KSR2: variants seen among roughly 807,000 people sequenced by gnomAD.
The protein encoded by KSR2 is kinase suppressor of ras 2.
Under a neutral mutation model 107.8 loss-of-function variants are expected in KSR2, and 25 were observed. That is an observed-to-expected ratio of 0.23 (90% CI 0.17 to 0.32). The LOEUF is 0.32. Ranked by LOEUF, KSR2 falls within the 10% of genes least tolerant of loss-of-function variation. KSR2 has a pLI of 1.00. For missense variants in KSR2, 887 were observed against 1,268.9 expected, an observed-to-expected ratio of 0.70 and a Z score of 4.57; for synonymous variants, 480 against 507.0, an observed-to-expected ratio of 0.95 and a Z score of 0.71.
chr12:117,856,735 C>T (rs1025208692), intron 2 of KSR2, among the ~76,000 whole-genome samples: 18 of 152,150 alleles, frequency 1.2e-4, no homozygotes, highest in African/African-American at 3.9e-4. Context: ...CCTCAGCCTC[C>T]GAAAGTAAAT....
At chr12:117,768,240 G>A (rs1006156708) in intron 3 of KSR2, among the ~76,000 whole-genome samples, 2 of 152,198 alleles carry the variant, frequency 1.3e-5, no homozygotes, top group African/African-American at 4.8e-5. Context: ...CAAGTGGACT[G>A]GAGCTGGAGG....
chr12:117,680,793 C>A (rs993972667), intron 4 of KSR2, among the ~76,000 whole-genome samples: 2 of 151,988 alleles, frequency 1.3e-5, no homozygotes, highest in African/African-American at 4.8e-5. Flanking sequence ...ATGATATGGC[C>A]TCATTGTGTC....
intron 4 of KSR2, among the ~76,000 whole-genome samples, chr12:117,687,375 C>T (rs978185531): frequency 1.3e-5 from 2 of 152,156 alleles, no homozygotes; most frequent in Admixed American, 6.5e-5. Flanking sequence ...TCTTTTTCCA[C>T]GAGAGTTTGA....
At chr12:117,506,336 T>C (rs1873676576) in intron 14 of KSR2, among the ~76,000 whole-genome samples, 1 of 152,234 alleles carries the variant, frequency 6.6e-6, no homozygotes, top group Non-Finnish European at 1.5e-5. Context: ...TGGTTCTCCA[T>C]ATTATATGTT....
At chr12:117,738,672 C>T (rs1271378099) in intron 4 of KSR2, among the ~76,000 whole-genome samples, 1 of 151,626 alleles carries the variant, frequency 6.6e-6, no homozygotes, top group Non-Finnish European at 1.5e-5. Context: ...GTCAGGAGTT[C>T]GAGACCAGCC....
intron 2 of KSR2, among the ~76,000 whole-genome samples, chr12:117,856,300 C>T (rs1893100727): frequency 6.6e-6 from 1 of 152,114 alleles, no homozygotes; most frequent in Non-Finnish European, 1.5e-5. Flanking sequence ...CCCCATGTTC[C>T]CAAAACAGTG....
intron 1 of KSR2, among the ~76,000 whole-genome samples, chr12:117,895,081 A>G (rs1894470381): frequency 6.6e-6 from 1 of 151,804 alleles, no homozygotes; most frequent in Non-Finnish European, 1.5e-5. Flanking sequence ...AATTAAAAAA[A>G]TTAGCCAGGT....
chr12:117,652,791 G>A (rs182447203), intron 5 of KSR2, among the ~76,000 whole-genome samples: 230 of 152,290 alleles, frequency 1.5e-3, no homozygotes, highest in Middle Eastern at 3.4e-3. Flanking sequence ...GTTAAGGTAG[G>A]AGCTTATGGA....
Position 117,869,500 on chromosome 12 carries a change from T to C in KSR2, c.181-9069A>G, listed in dbSNP as rs2137278621. Reference sequence around the variant, plus strand: ...ATCACTGAGACTAGTTAGGTGCCCATCTTTCCAGATGTTGATCTGTGAATT... The same window carrying C: ...ATCACTGAGACTAGTTAGGTGCCCACCTTTCCAGATGTTGATCTGTGAATT... On this transcript the variant is annotated intron_variant, in intron 1 of 19. Transcript: ENST00000339824. 5.9e-5 allele frequency among the ~76,000 whole-genome samples: 9 copies of C among 152,336 alleles called. No homozygotes were observed. The Middle Eastern group carries it at 0.017, about 288-fold the overall frequency.
At chr12:117,702,262 C>T (rs961841467) in intron 4 of KSR2, among the ~76,000 whole-genome samples, 5 of 152,162 alleles carry the variant, frequency 3.3e-5, no homozygotes, top group South Asian at 4.2e-4. Context: ...AAGCACCTCG[C>T]GTTGGTAGCC....
At chr12:117,877,242 C>G (rs902416726) in intron 1 of KSR2, among the ~76,000 whole-genome samples, 10 of 152,176 alleles carry the variant, frequency 6.6e-5, no homozygotes, top group African/African-American at 2.4e-4. Flanking sequence ...GAGATTGAGG[C>G]AGGAGAATCG....
intron 5 of KSR2, among the ~76,000 whole-genome samples, chr12:117,585,556 T>C (rs551413333): frequency 6.6e-6 from 1 of 152,352 alleles, no homozygotes; most frequent in East Asian, 1.9e-4. Flanking sequence ...ATTTGAACTT[T>C]GAGATCCTCT....
At chr12:117,516,048 C>G (rs1229971992) in intron 14 of KSR2, among the ~76,000 whole-genome samples, 1 of 152,176 alleles carries the variant, frequency 6.6e-6, no homozygotes, top group Non-Finnish European at 1.5e-5. Flanking sequence ...TACCATCCAG[C>G]CACTTCTTCT....
At chr12:117,626,301 T>G (rs1882510242) in intron 5 of KSR2, among the ~76,000 whole-genome samples, 1 of 152,188 alleles carries the variant, frequency 6.6e-6, no homozygotes, top group Admixed American at 6.5e-5. Flanking sequence ...GATGTTGGGG[T>G]GTTGATTTTA....
chr12:117,467,917 G>GGTCC (rs1482863116), intron 19 of KSR2: 3 of 199,490 alleles, frequency 1.5e-5, no homozygotes, highest in Non-Finnish European at 2.6e-5. Flanking sequence ...CCACAGTCCT[G>GGTCC]TGTTTTTTTT....
intron 5 of KSR2, among the ~76,000 whole-genome samples, chr12:117,659,653 C>G (rs996836191): frequency 2.0e-5 from 3 of 152,158 alleles, no homozygotes; most frequent in African/African-American, 7.2e-5. Context: ...TAGCCCTGGG[C>G]AAGTCCTTCC....
chr12:117,794,418 CATA>C (rs1566019214), intron 3 of KSR2, among the ~76,000 whole-genome samples: 5 of 90,014 alleles, frequency 5.6e-5, no homozygotes, highest in African/African-American at 1.8e-4. Flanking sequence ...CACACATGCA[CATA>C]CAACATGCAC....
Position 117,500,463 on chromosome 12 carries a change from G to A in KSR2, c.2220-14772C>T, listed in dbSNP as rs530952847. On this transcript the variant is annotated intron_variant, in intron 14 of 19. Transcript: ENST00000339824. ...CCTAACCTAACCCCATAAGACAGGT[G>A]TTATTCCTATCCAACAAATGGGGAA... Among the ~76,000 whole-genome samples, 14 of 152,308 alleles carry A rather than the reference G, an allele frequency of 9.2e-5. No homozygotes were observed. In the South Asian group the frequency reaches 2.9e-3, roughly 32 times the overall value.
rs1027267015 is a variant in KSR2 at position 117,662,914 on chromosome 12, T to A, written c.1171+4560A>T. Among the ~76,000 whole-genome samples, 5 of 152,204 alleles carry A rather than the reference T, an allele frequency of 3.3e-5. No homozygotes were observed. In the East Asian group the frequency reaches 9.6e-4, roughly 29 times the overall value. On this transcript the variant is annotated intron_variant, in intron 5 of 19. Transcript: ENST00000339824. Reference sequence around the variant, plus strand: ...TCCAGGATGAATGAGTCGCAGGAGCTTCCTGCAGCTTGCAATTTTGGCTAC... The same window carrying A: ...TCCAGGATGAATGAGTCGCAGGAGCATCCTGCAGCTTGCAATTTTGGCTAC...
Sources: gnomAD v4.1 joint callset for allele counts (sites outside exome capture counted in the v4.1 genomes callset) on GRCh38, gnomAD v4.1.1 for gene constraint, MANE v1.5 for transcripts, NCBI Gene and HGNC (gene_info 2026-07-23, HGNC 2026-07-21) for gene names.